ITGA7: variants seen among roughly 807,000 people sequenced by gnomAD.
ITGA7 encodes the protein integrin subunit alpha 7.
ITGA7 carries 84 observed loss-of-function variants against 131.6 expected under a neutral mutation model. That is an observed-to-expected ratio of 0.64 (90% confidence interval 0.54 to 0.77). The LOEUF (loss-of-function observed/expected upper bound fraction) is 0.77. Ranked by LOEUF, ITGA7 falls within the 30% of genes least tolerant of loss-of-function variation. ITGA7 has a pLI of 0.00. For missense variants in ITGA7, 1,399 were observed against 1,482.9 expected (o/e 0.94, Z 0.93); for synonymous variants, 548 against 600.7 (o/e 0.91, Z 1.28).
chr12:55,699,687 G>A, intron 5 of ITGA7, 183 bp downstream of exon 5: 1 of 747,006 alleles, frequency 1.3e-6, no homozygotes, highest in Non-Finnish European at 2.2e-6. Context: ...CACCCTGGGG[G>A]CCTCCTCCTC....
rs117793692 is a variant in ITGA7, at chr12:55,699,609, C to T, written c.790+261G>A. On this transcript the variant is annotated intron_variant, in intron 5 of 24. Transcript: ENST00000257879. Reference sequence around the variant, plus strand: ...ACTGTCCTTCCCAAAATATCCTCAGCCCTGGCCCTCTCATTCCACCTGAAT... The same window carrying T: ...ACTGTCCTTCCCAAAATATCCTCAGTCCTGGCCCTCTCATTCCACCTGAAT... The T allele has an allele frequency of 9.6e-3, 5,165 of 537,586 alleles. 50 individuals carry two copies. Among genetic ancestry groups the T allele is most frequent in the Middle Eastern group, 0.03 (57 of 1,928 alleles). 33.3% of individuals were successfully genotyped at this position (537,586 alleles called of 1,614,324 possible). A position where few individuals can be genotyped will look rare whatever the true frequency, so the allele number is the denominator to read the frequency against.
chr12:55,712,283 A>G, upstream of ITGA7: 1 of 1,539,998 alleles, frequency 6.5e-7, no homozygotes, highest in East Asian at 2.4e-5. Context: ...GACTGTCTCA[A>G]GGGCCCCCTT....
At chr12:55,704,460 T>C (rs759044215) in intron 1 of ITGA7, among the ~76,000 whole-genome samples, 23 of 152,218 alleles carry the variant, frequency 1.5e-4, no homozygotes, top group Non-Finnish European at 2.8e-4. Context: ...GAGTCTATTG[T>C]ATGCCAAGCC....
rs1874366368 is a variant in ITGA7, at chr12:55,702,897, C to G, written c.389G>C (p.Ser130Thr). The G allele has an allele frequency of 6.2e-7, 1 of 1,613,146 alleles. No individual in the cohort carries two copies. Among genetic ancestry groups the G allele is most frequent in the Non-Finnish European group, 8.5e-7 (1 of 1,180,028 alleles). Reference protein sequence around the residue: ...ENQWLGVSVRSQGPGGKIVTC... With the variant: ...ENQWLGVSVRTQGPGGKIVTC... The stretch of plus-strand genomic sequence containing the variant: ...AACAATCTTGCCCCCAGGCCCCTGG[C>G]TCCGAACACTGACTCCCAACCACTG... The change falls in exon 3 of 25, where the codon AGC becomes ACC. Residue 130 changes from serine (S) to threonine (T), a missense_variant. Transcript: ENST00000257879.
At position 55,700,704 on chromosome 12, in the gene ITGA7, C is replaced by T. The variant is rs189378905; in HGVS notation, c.670+195G>A. 4.3e-5 allele frequency: 32 copies of T among 742,776 alleles called. No homozygotes were observed. The East Asian group carries it at 8.6e-4, about 20-fold the overall frequency. The allele number at this position is 742,776 out of a possible 1,614,324, so 46.0% of individuals were successfully genotyped here. ...GCCCATGCCAGCATGTTGAGGAACA[C>T]TTGGCCGTGCGAGGGAAAGGAGGCA... is the stretch of plus-strand genomic sequence containing the variant. On this transcript the variant is annotated intron_variant, in intron 4 of 24. Coordinates refer to ENST00000257879, the MANE Select transcript of ITGA7 (RefSeq NM_002206.3).
Position 55,707,821 on chromosome 12 carries a change from CCCT to C in ITGA7, c.-142_-140del, listed in dbSNP as rs2136104706. On this transcript the variant is annotated 5_prime_UTR_variant, in exon 1 of 25. Coordinates refer to ENST00000257879, the MANE Select transcript of ITGA7 (RefSeq NM_002206.3). The stretch of plus-strand genomic sequence containing the variant: ...GTCTCCCAGACGTTCGCCCCGCCAG[CCCT>C]CCCGCCCGCCCGCCGCTCCGCCACC... 3.6e-4 allele frequency: 277 copies of C among 775,164 alleles called. No individual in the cohort carries two copies. The highest frequency in any genetic ancestry group is 5.3e-4 in the Non-Finnish European group (258 of 483,728). 48.0% of individuals were successfully genotyped at this position (775,164 alleles called of 1,614,324 possible). A position where few individuals can be genotyped will look rare whatever the true frequency, so the allele number is the denominator to read the frequency against.
At chr12:55,701,684 G>A (rs1226700161) in intron 3 of ITGA7, among the ~76,000 whole-genome samples, 1 of 151,700 alleles carries the variant, frequency 6.6e-6, no homozygotes. Context: ...GGGCTCAAGT[G>A]ATCCTCCCAC....
intron 14 of ITGA7, 53 bp from the exon 15 acceptor site, chr12:55,695,023 T>TC: frequency 6.4e-7 from 1 of 1,554,436 alleles, no homozygotes; most frequent in African/African-American, 1.4e-5. Flanking sequence ...CCCCTACCAT[T>TC]CCCCCGCCCA....
intron 1 of ITGA7, among the ~76,000 whole-genome samples, chr12:55,704,315 C>A (rs1364863513): frequency 6.6e-6 from 1 of 152,212 alleles, no homozygotes; most frequent in Non-Finnish European, 1.5e-5. Context: ...GGGCAGAGAG[C>A]CATTCTTCCT....
chr12:55,712,233 G>A (rs369039740), upstream of ITGA7: 3 of 1,551,510 alleles, frequency 1.9e-6, no homozygotes, highest in East Asian at 2.4e-5. Context: ...CTTAACACTT[G>A]AGAAGGACTG....
chr12:55,716,324 G>A, upstream of ITGA7: 20 of 1,493,332 alleles, frequency 1.3e-5, no homozygotes, highest in South Asian at 5.2e-5. Context: ...GCATGGGGGA[G>A]AGGGAATTTC....
chr12:55,710,101 CTA>C (rs1432695964), upstream of ITGA7, among the ~76,000 whole-genome samples: 2 of 152,190 alleles, frequency 1.3e-5, no homozygotes, highest in East Asian at 3.8e-4. Flanking sequence ...TGGCTCACGC[CTA>C]TAATCCCAGC....
At chr12:55,693,360 C>A (rs879159949) in intron 19 of ITGA7, 43 bp from the exon 20 acceptor site, 14 of 1,221,784 alleles carry the variant, frequency 1.1e-5, no homozygotes, top group African/African-American at 1.6e-5. Context: ...CTCAGTTTTT[C>A]TTTTTTTTTT....
upstream of ITGA7, chr12:55,708,047 A>AC (rs554874054): frequency 1.5e-3 from 1,618 of 1,112,474 alleles, 67 homozygotes; most frequent in East Asian, 0.085. Context: ...AGCCTTGCTG[A>AC]CCCCCCACCA....
Position 55,692,833 on chromosome 12 carries a change from C to A in ITGA7, c.2844+11G>T. On this transcript the variant is annotated intron_variant, in intron 21 of 24. Transcript: ENST00000257879. ...GGAGCTCTGGCTGCACCGAGTCTGG[C>A]CTGCCCTCACCAGGGTGATGTTTTT... is the stretch of plus-strand genomic sequence containing the variant. 2 of 1,603,318 alleles carry A rather than the reference C, an allele frequency of 1.2e-6. No individual in the cohort carries two copies. Among genetic ancestry groups the A allele is most frequent in the Non-Finnish European group, 1.7e-6 (2 of 1,175,058 alleles).
chr12:55,698,646 C>T (rs1873209503), intron 6 of ITGA7, 64 bp downstream of exon 6: 1 of 1,612,364 alleles, frequency 6.2e-7, no homozygotes, highest in East Asian at 2.2e-5. Context: ...GCTAAGTGGC[C>T]TCAGCCAGAC....
chr12:55,687,980 G>A lies in ITGA7; in HGVS notation c.3174C>T (p.Leu1058=), dbSNP rs377148751. ...GLLVLALLVL[L]LWKMGFFKRA... is the part of the protein sequence containing the mutation. Reference sequence around the variant, plus strand: ...CACCTCCAAGCCTCACCTTCCACAGGAGCAGCACCAGCAGTGCTAGCACCA... The same window carrying A: ...CACCTCCAAGCCTCACCTTCCACAGAAGCAGCACCAGCAGTGCTAGCACCA... The change falls in exon 24 of 25, where the codon CTC becomes CTT. Residue 1058 remains leucine, a synonymous_variant. Coordinates refer to ENST00000257879, the MANE Select transcript of ITGA7 (RefSeq NM_002206.3). The A allele has an allele frequency of 4.6e-5, 74 of 1,614,042 alleles. No individual in the cohort carries two copies. The highest frequency in any genetic ancestry group is 6.1e-5 in the Non-Finnish European group (72 of 1,180,020).
chr12:55,701,466 T>C, intron 3 of ITGA7: 1 of 1,538,676 alleles, frequency 6.5e-7, no homozygotes, highest in Non-Finnish European at 8.8e-7. Flanking sequence ...GATGTGTGTC[T>C]CCCTGATCAT....
intron 12 of ITGA7, 112 bp from the exon 13 acceptor site, chr12:55,696,544 GATGA>G: frequency 1.6e-6 from 2 of 1,228,664 alleles, no homozygotes; most frequent in Non-Finnish European, 2.3e-6. Context: ...ATATTAGGGA[GATGA>G]ATGAGAGAGG....
Sources: gnomAD v4.1 joint callset for allele counts (sites outside exome capture counted in the v4.1 genomes callset) on GRCh38, gnomAD v4.1.1 for gene constraint, MANE v1.5 for transcripts, NCBI Gene and HGNC (gene_info 2026-07-23, HGNC 2026-07-21) for gene names.